The following FCHSD2 variants were observed in gnomAD, a reference collection of about 807,000 sequenced individuals.
FCHSD2 encodes F-BAR and double SH3 domains protein 2.
In FCHSD2, 38 loss-of-function variants were observed where a neutral mutation model predicts 108.1. The ratio of observed to expected loss-of-function variants is 0.35; its 90% CI spans 0.27 to 0.46. The LOEUF (loss-of-function observed/expected upper bound fraction) is 0.46, where lower values mean the gene tolerates loss of function less well. FCHSD2 is among the 20% of genes least tolerant of loss of function. FCHSD2 has a pLI of 1.00. For synonymous variants in FCHSD2, 279 were observed against 314.7 expected (o/e 0.89, Z 1.20); for missense variants, 751 against 897.8 (o/e 0.84, Z 2.09).
intron 14 of FCHSD2, 43 bp from the exon 15 acceptor site, chr11:72,843,575 T>TA: frequency 7.1e-7 from 1 of 1,412,784 alleles, no homozygotes. Flanking sequence ...AAAGGTTAGA[T>TA]AAGGAGCAGA....
rs755174406 is a variant in FCHSD2 at position 72,841,562 on chromosome 11, G to C, written c.1948C>G (p.His650Asp). Reference sequence around the variant, plus strand: ...AACGGCAGTGGAGGCAGGGAGGCGTGTGGCTTGGGGGAAGGAGAGATCTGC... The same window carrying C: ...AACGGCAGTGGAGGCAGGGAGGCGTCTGGCTTGGGGGAAGGAGAGATCTGC... ...EIQISPSPKP[H>D]ASLPPLPLYD... The change falls in exon 18 of 20, where the codon CAC (histidine) becomes GAC (aspartate). Residue 650 changes from histidine (H) to aspartate (D), a missense_variant. His to Asp is a moderately conservative substitution (Grantham distance 81, BLOSUM62 -1). Transcript: ENST00000409418. The C allele has an allele frequency of 1.2e-5, 19 of 1,608,884 alleles. No individual in the cohort carries two copies. The African/African-American group carries it at 2.4e-4, about 20-fold the overall frequency.
At chr11:72,897,321 A>G (rs1855443474) in intron 10 of FCHSD2, among the ~76,000 whole-genome samples, 1 of 65,628 alleles carries the variant, frequency 1.5e-5, no homozygotes, top group South Asian at 4.3e-4. Context: ...AAAAAGAGTA[A>G]AAAAAAAAAA....
At chr11:73,003,400 C>T (rs1192535574) in intron 4 of FCHSD2, among the ~76,000 whole-genome samples, 2 of 151,930 alleles carry the variant, frequency 1.3e-5, no homozygotes, top group African/African-American at 4.8e-5. Flanking sequence ...CAAATAGAAG[C>T]ACTTCTTGTT....
chr11:72,906,160 T>A (rs1256309076), intron 9 of FCHSD2, among the ~76,000 whole-genome samples: 1 of 152,246 alleles, frequency 6.6e-6, no homozygotes, highest in African/African-American at 2.4e-5. Flanking sequence ...GTGGTTTTGA[T>A]TTGCATTTCT....
At chr11:72,933,510 G>A (rs1366017531) in intron 8 of FCHSD2, among the ~76,000 whole-genome samples, 1 of 152,152 alleles carries the variant, frequency 6.6e-6, no homozygotes, top group Non-Finnish European at 1.5e-5. Context: ...TTTTGCCTAA[G>A]CTACTTTGAG....
At chr11:73,057,571 T>C (rs1859056673) in intron 3 of FCHSD2, among the ~76,000 whole-genome samples, 1 of 152,076 alleles carries the variant, frequency 6.6e-6, no homozygotes, top group Non-Finnish European at 1.5e-5. Context: ...AGAAAACATC[T>C]ATATAAGGAA....
chr11:72,951,792 C>A (rs529720916), intron 8 of FCHSD2, among the ~76,000 whole-genome samples: 1 of 152,268 alleles, frequency 6.6e-6, no homozygotes, highest in Admixed American at 6.5e-5. Flanking sequence ...TACCCTTTCA[C>A]AATCTCTTTA....
At chr11:72,965,166 C>T (rs775560396) in intron 8 of FCHSD2, among the ~76,000 whole-genome samples, 29 of 152,090 alleles carry the variant, frequency 1.9e-4, no homozygotes, top group Non-Finnish European at 3.2e-4. Context: ...GTGGATACAA[C>T]CCCATTCATA....
At chr11:73,017,077 G>T (rs1857990076) in intron 3 of FCHSD2, among the ~76,000 whole-genome samples, 1 of 152,032 alleles carries the variant, frequency 6.6e-6, no homozygotes, top group South Asian at 2.1e-4. Context: ...CAACTTCCTG[G>T]GCTCAAACAA....
intron 8 of FCHSD2, chr11:72,983,840 ATGT>A (rs1200681335): frequency 1.7e-6 from 1 of 576,592 alleles, no homozygotes; most frequent in Non-Finnish European, 3.3e-6. Flanking sequence ...TAGATAACAA[ATGT>A]TTGCCGCACC....
intron 3 of FCHSD2, among the ~76,000 whole-genome samples, chr11:73,049,210 ATATT>A (rs1330274798): frequency 2.0e-5 from 3 of 152,218 alleles, no homozygotes; most frequent in Non-Finnish European, 4.4e-5. Context: ...CACTTAGCAC[ATATT>A]TAAAGTAATA....
At chr11:73,058,041 G>T (rs1055407031) in intron 3 of FCHSD2, among the ~76,000 whole-genome samples, 1 of 152,026 alleles carries the variant, frequency 6.6e-6, no homozygotes, top group Non-Finnish European at 1.5e-5. Context: ...GACCACGCCT[G>T]GCTAATTTTT....
rs571420558 is a variant in FCHSD2, at chr11:73,060,215, C to A, written c.165+23480G>T. Among the ~76,000 whole-genome samples, 6 of 152,232 alleles carry A rather than the reference C, an allele frequency of 3.9e-5. No individual in the cohort carries two copies. In the East Asian group the frequency reaches 1.2e-3, roughly 29 times the overall value. On this transcript the variant is annotated intron_variant, in intron 3 of 19. Transcript: ENST00000409418. ...AAAGTTAAACCTCAGGAAAGTAACA[C>A]CCATTCAAGGAAGTTTAAACAAATG...
intron 9 of FCHSD2, among the ~76,000 whole-genome samples, chr11:72,914,581 C>T (rs907624070): frequency 2.0e-5 from 3 of 152,016 alleles, no homozygotes; most frequent in East Asian, 1.9e-4. Flanking sequence ...GAAATAAGAC[C>T]GCACACCTAA....
At chr11:72,895,284 T>A (rs1855394750) in intron 10 of FCHSD2, among the ~76,000 whole-genome samples, 1 of 152,030 alleles carries the variant, frequency 6.6e-6, no homozygotes, top group South Asian at 2.1e-4. Flanking sequence ...GGTGAAGAAA[T>A]GATGAGAACT....
intron 3 of FCHSD2, among the ~76,000 whole-genome samples, chr11:73,057,078 G>C (rs191321953): frequency 6.6e-6 from 1 of 152,026 alleles, no homozygotes; most frequent in Admixed American, 6.6e-5. Flanking sequence ...GCAAGACTCC[G>C]ACTCAAAAAC....
intron 2 of FCHSD2, among the ~76,000 whole-genome samples, chr11:73,112,850 G>C (rs1282778996): frequency 6.6e-6 from 1 of 152,094 alleles, no homozygotes; most frequent in Non-Finnish European, 1.5e-5. Context: ...ATTTTTAGTA[G>C]AGATGGGGTT....
intron 12 of FCHSD2, 126 bp downstream of exon 12, chr11:72,887,344 C>G: frequency 1.6e-6 from 1 of 642,732 alleles, no homozygotes; most frequent in Admixed American, 3.4e-5. Context: ...CTACTGTGGA[C>G]ACGAATGAAG....
At chr11:73,087,067 A>C (rs1393287224) in intron 2 of FCHSD2, among the ~76,000 whole-genome samples, 1 of 152,200 alleles carries the variant, frequency 6.6e-6, no homozygotes, top group African/African-American at 2.4e-5. Context: ...GTATCATAGG[A>C]GATGACAGCT....
Sources: allele counts gnomAD v4.1 joint callset (sites outside exome capture counted in the v4.1 genomes callset), GRCh38; gene constraint gnomAD v4.1.1; transcripts MANE v1.5; gene names NCBI Gene and HGNC (gene_info 2026-07-23, HGNC 2026-07-21).